Variants in GLO1 observed in about 807,000 individuals in gnomAD.
GLO1 encodes the protein lactoylglutathione lyase.
Under a neutral mutation model 26.0 loss-of-function variants are expected in GLO1, and 28 were observed. The ratio of observed to expected loss-of-function variants is 1.08; its 90% confidence interval spans 0.80 to 1.48. GLO1 has a LOEUF of 1.48. GLO1 is among the 40% of genes most tolerant of loss of function. The pLI is 0.00. For synonymous variants in GLO1, 78 were observed against 77.6 expected (o/e 1.00, Z -0.03); for missense variants, 225 against 224.8 (o/e 1.00, Z -0.01).
At chr6:38,691,221 A>C (rs947182817) in intron 1 of GLO1, among the ~76,000 whole-genome samples, 10 of 152,222 alleles carry the variant, frequency 6.6e-5, no homozygotes, top group African/African-American at 1.2e-4. Flanking sequence ...GTGCCTTATC[A>C]AAAGGTGGAC....
chr6:38,687,193 G>A (rs1298445495), intron 1 of GLO1: 6 of 687,972 alleles, frequency 8.7e-6, no homozygotes, highest in Non-Finnish European at 8.9e-6. Context: ...TCAACCAATG[G>A]TCGATAAAAA....
chr6:38,687,941 T>C (rs1323493767), intron 1 of GLO1, among the ~76,000 whole-genome samples: 2 of 151,766 alleles, frequency 1.3e-5, no homozygotes, highest in Non-Finnish European at 2.9e-5. Context: ...AAAACAGGCC[T>C]GAAAATTCTG....
intron 5 of GLO1, among the ~76,000 whole-genome samples, chr6:38,679,125 G>T (rs1562480130): frequency 2.0e-5 from 3 of 151,634 alleles, no homozygotes; most frequent in Non-Finnish European, 4.4e-5. Flanking sequence ...AGCTATTTTT[G>T]TTTTTTTTCT....
At position 38,682,111 on chromosome 6, in the gene GLO1, TAC is replaced by T; in HGVS notation, c.377-12_377-11del. 6.9e-7 allele frequency: 1 copy of T among 1,440,234 alleles called. No homozygotes were observed. Among genetic ancestry groups the T allele is most frequent in the Non-Finnish European group, 9.8e-7 (1 of 1,021,674 alleles). 89.2% of individuals were successfully genotyped at this position (1,440,234 alleles called of 1,614,324 possible). ...GCAATTCCAATATGACCTTACGTGA[TAC>T]CCCCCGAAAAAAGCAGAGAGAAGGA... On this transcript the variant is annotated splice_polypyrimidine_tract_variant and intron_variant, in intron 4 of 5. Coordinates refer to ENST00000373365, the MANE Select transcript of GLO1 (RefSeq NM_006708.3).
intron 1 of GLO1, among the ~76,000 whole-genome samples, chr6:38,693,681 CTCTCTATATATA>C (rs1258032352): frequency 2.1e-5 from 2 of 94,370 alleles, no homozygotes; most frequent in African/African-American, 4.0e-5. Context: ...CTCTCTCTCT[CTCTCTATATATA>C]TATATATATA....
chr6:38,677,326 A>G lies in GLO1; in HGVS notation c.524T>C (p.Leu175Ser). Residue 175 changes from leucine (L) to serine (S), a missense_variant, in exon 6 of 6, where the codon TTG (leucine) becomes TCG (serine). Transcript: ENST00000373365. The part of the protein sequence containing the change: ...QDPDGYWIEI[L>S]NPNKMATLM Reference sequence around the variant, plus strand: ...TAAGGTTGCCATTTTGTTAGGATTCAAAATTTCAATCCAGTAGCCATCAGG... The same window carrying G: ...TAAGGTTGCCATTTTGTTAGGATTCGAAATTTCAATCCAGTAGCCATCAGG... 6.4e-7 allele frequency: 1 copy of G among 1,558,844 alleles called. No individual in the cohort carries two copies. The highest frequency in any genetic ancestry group is 8.9e-7 in the Non-Finnish European group (1 of 1,129,566).
At position 38,702,996 on chromosome 6, in the gene GLO1, C is replaced by T. The variant is rs377328531; in HGVS notation, c.59G>A (p.Cys20Tyr). The T allele has an allele frequency of 1.9e-6, 3 of 1,593,502 alleles. No homozygotes were observed. The highest frequency in any genetic ancestry group is 1.7e-6 in the Non-Finnish European group (2 of 1,163,632). The part of the protein sequence containing the change: ...GLTDEAALSC[C>Y]SDADPSTKDF... Reference sequence around the variant, plus strand: ...CTTGGTACTGGGGTCCGCGTCGGAGCAGCAACTGAGGGCGGCCTCGTCCGT... The same window carrying T: ...CTTGGTACTGGGGTCCGCGTCGGAGTAGCAACTGAGGGCGGCCTCGTCCGT... The change falls in exon 1 of 6, where the codon TGC (cysteine) becomes TAC (tyrosine). Residue 20 changes from cysteine (C) to tyrosine (Y), a missense_variant. Coordinates refer to ENST00000373365, the MANE Select transcript of GLO1 (RefSeq NM_006708.3).
Position 38,684,863 on chromosome 6 carries a change from A to G in GLO1, c.168-349T>C, listed in dbSNP as rs114541783. Among the ~76,000 whole-genome samples, 852 of 152,356 alleles carry G rather than the reference A, an allele frequency of 5.6e-3. 10 individuals carry two copies. The highest frequency in any genetic ancestry group is 0.019 in the African/African-American group (774 of 41,586). ...ATAAAGAACCTTGTTGCTATTTCAT[A>G]TATATACACACATACAAACACATAT... is the stretch of plus-strand genomic sequence containing the variant. On this transcript the variant is annotated intron_variant, in intron 2 of 5. Transcript: ENST00000373365.
chr6:38,682,926 T>G (rs1554186826), intron 3 of GLO1, 51 bp from the exon 4 acceptor site: 1 of 1,060,156 alleles, frequency 9.4e-7, no homozygotes, highest in Non-Finnish European at 1.5e-6. Context: ...ATAGATATTC[T>G]GAAAAGCAAG....
rs542881050 is a variant in GLO1, at chr6:38,688,191, C to T, written c.85-1217G>A. 2.6e-5 allele frequency among the ~76,000 whole-genome samples: 4 copies of T among 152,166 alleles called. No homozygotes were observed. The South Asian group carries it at 8.3e-4, about 32-fold the overall frequency. ...ATATAATAATTAAATTCTTTATTCGCAGCTTATAATCACATGCCAGGCAGG... is the reference window on the plus strand; with the variant it reads ...ATATAATAATTAAATTCTTTATTCGTAGCTTATAATCACATGCCAGGCAGG... On this transcript the variant is annotated intron_variant, in intron 1 of 5. Coordinates refer to ENST00000373365, the MANE Select transcript of GLO1 (RefSeq NM_006708.3).
In GLO1 at chr6:38,676,285, C is replaced by T. The variant is rs1761240702; in HGVS notation, c.*1010G>A. On this transcript the variant is annotated 3_prime_UTR_variant, in exon 6 of 6. Transcript: ENST00000373365. ...ATTTATCATATATGGCTACTGGCAT[C>T]ATGAAGACCTTGGGATAGGGAAGAC... 1 of 152,150 alleles carries T rather than the reference C, an allele frequency of 6.6e-6. No homozygotes were observed. Among genetic ancestry groups the T allele is most frequent in the East Asian group, 1.9e-4 (1 of 5,204 alleles). The allele number at this position is 152,150 out of a possible 1,614,324, so 9.4% of individuals were successfully genotyped here.
chr6:38,696,160 T>C (rs572147864), intron 1 of GLO1, among the ~76,000 whole-genome samples: 43 of 151,548 alleles, frequency 2.8e-4, no homozygotes, highest in African/African-American at 7.0e-4. Context: ...GATATGAGTG[T>C]ATTTGGTTAC....
chr6:38,688,689 A>G (rs1388343092), intron 1 of GLO1, among the ~76,000 whole-genome samples: 1 of 152,220 alleles, frequency 6.6e-6, no homozygotes, highest in East Asian at 1.9e-4. Context: ...CTGTCCTCCC[A>G]GCACTGGTTC....
At chr6:38,689,770 A>T (rs1041272019) in intron 1 of GLO1, among the ~76,000 whole-genome samples, 1 of 152,024 alleles carries the variant, frequency 6.6e-6, no homozygotes, top group African/African-American at 2.4e-5. Context: ...ACATGGTGAA[A>T]CCCCGTCTCT....
At chr6:38,694,109 GTTC>G (rs1300660397) in intron 1 of GLO1, among the ~76,000 whole-genome samples, 1 of 152,112 alleles carries the variant, frequency 6.6e-6, no homozygotes, top group African/African-American at 2.4e-5. Flanking sequence ...GCTTGAAGAT[GTTC>G]TTATTATGTT....
intron 1 of GLO1, among the ~76,000 whole-genome samples, chr6:38,695,477 C>T (rs796559515): frequency 2.0e-5 from 3 of 152,204 alleles, no homozygotes; most frequent in African/African-American, 7.2e-5. Context: ...CTTTACATTC[C>T]TGTACCTTCT....
At chr6:38,677,614 A>G (rs984922335) in intron 5 of GLO1, among the ~76,000 whole-genome samples, 3 of 151,930 alleles carry the variant, frequency 2.0e-5, no homozygotes, top group African/African-American at 7.3e-5. Flanking sequence ...CGGGATCTCA[A>G]TGTACTGCCC....
intron 1 of GLO1, among the ~76,000 whole-genome samples, chr6:38,696,885 A>G (rs1333518665): frequency 6.6e-6 from 1 of 152,066 alleles, no homozygotes; most frequent in East Asian, 1.9e-4. Context: ...ATAACTTTCA[A>G]AAGTGTTATA....
rs1462982138 is a variant in GLO1, at chr6:38,686,900, A to G, written c.159T>C (p.Leu53=). 6.4e-7 allele frequency: 1 copy of G among 1,561,528 alleles called. No homozygotes were observed. Among genetic ancestry groups the G allele is most frequent in the Admixed American group, 1.7e-5 (1 of 59,820 alleles). ...KKSLDFYTRV[L]GMTLIQKCDF... is the part of the protein sequence containing the mutation. ...ATAAGTACTTGACTTACGTCATTCC[A>G]AGAACTCTAGTATAAAAATCCAGTG... is the stretch of plus-strand genomic sequence containing the variant. The change falls in exon 2 of 6, where the codon CTT becomes CTC. Residue 53 remains leucine (L), a synonymous_variant. Transcript: ENST00000373365.
Sources: gnomAD v4.1 joint callset for allele counts (sites outside exome capture counted in the v4.1 genomes callset) on GRCh38, gnomAD v4.1.1 for gene constraint, MANE v1.5 for transcripts, NCBI Gene and HGNC (gene_info 2026-07-23, HGNC 2026-07-21) for gene names.